KCNQ4: variants seen among roughly 807,000 people sequenced by gnomAD.
The protein encoded by KCNQ4 is potassium voltage-gated channel subfamily Q member 4.
KCNQ4 carries 31 observed loss-of-function variants against 72.6 expected under a neutral mutation model. That is an observed-to-expected ratio of 0.43 (90% confidence interval 0.32 to 0.58). The LOEUF (loss-of-function observed/expected upper bound fraction) is 0.58. KCNQ4 is among the 20% of genes least tolerant of loss of function. The probability of loss-of-function intolerance (pLI) is 0.08; values close to 1 mark genes in which losing one functional copy is unlikely to be tolerated. For missense variants in KCNQ4, 869 were observed against 962.6 expected, an observed-to-expected ratio of 0.90 and a Z score of 1.29; for synonymous variants, 405 against 403.7, an observed-to-expected ratio of 1.00 and a Z score of -0.04.
At chr1:40,830,564 GGTGT>G (rs1324672888) in intron 9 of KCNQ4, among the ~76,000 whole-genome samples, 1 of 151,944 alleles carries the variant, frequency 6.6e-6, no homozygotes, top group Non-Finnish European at 1.5e-5. Flanking sequence ...GTGTGCACAA[GGTGT>G]GTGTGTGCAT....
chr1:40,798,340 C>T (rs4660461), intron 1 of KCNQ4, among the ~76,000 whole-genome samples: 60,845 of 152,018 alleles, frequency 0.4, 12,401 homozygotes, highest in African/African-American at 0.45. Flanking sequence ...CTTGGGCAGA[C>T]GTTTTTCACA....
chr1:40,819,550 C>A, intron 5 of KCNQ4, 78 bp downstream of exon 5: 1 of 1,583,776 alleles, frequency 6.3e-7, no homozygotes, highest in Non-Finnish European at 8.6e-7. Flanking sequence ...CCCATCGTGA[C>A]TCCTGACTCA....
At position 40,784,761 on chromosome 1, in the gene KCNQ4, C is replaced by T. The variant is rs1194861512; in HGVS notation, c.314+354C>T. Among the ~76,000 whole-genome samples, 1 of 152,226 alleles carries T rather than the reference C, an allele frequency of 6.6e-6. No homozygotes were observed. Among genetic ancestry groups the T allele is most frequent in the Non-Finnish European group, 1.5e-5 (1 of 68,030 alleles). On this transcript the variant is annotated intron_variant, in intron 1 of 13. Coordinates refer to ENST00000347132, the MANE Select transcript of KCNQ4 (RefSeq NM_004700.4). The surrounding 1 kb of genome is among the most constrained non-coding windows in gnomAD (Gnocchi z 4.1). Reference sequence around the variant, plus strand: ...GGGCCCCTGGAGTGGGCGCCCTTTTCCTCTTCCCCACCCCTGCCTCCCTGT... The same window carrying T: ...GGGCCCCTGGAGTGGGCGCCCTTTTTCTCTTCCCCACCCCTGCCTCCCTGT...
rs578077677 is a variant in KCNQ4 at position 40,795,343 on chromosome 1, C to T, written c.314+10936C>T. 1.7e-4 allele frequency among the ~76,000 whole-genome samples: 25 copies of T among 149,958 alleles called. No homozygotes were observed. The East Asian group carries it at 3.4e-3, about 20-fold the overall frequency. The stretch of plus-strand genomic sequence containing the variant: ...GTGGTGTGATCATGGTTCACTGCAG[C>T]CTTGAACTCCTGGGCTCAAGCGATC... On this transcript the variant is annotated intron_variant, in intron 1 of 13. Transcript: ENST00000347132.
chr1:40,810,905 G>A (rs898786185), intron 1 of KCNQ4, among the ~76,000 whole-genome samples: 3 of 152,212 alleles, frequency 2.0e-5, no homozygotes, highest in African/African-American at 7.2e-5. Flanking sequence ...CAGGTCCTGC[G>A]CTTATGACTT....
At chr1:40,813,727 G>T (rs1166544835) in intron 1 of KCNQ4, among the ~76,000 whole-genome samples, 1 of 151,856 alleles carries the variant, frequency 6.6e-6, no homozygotes, top group Non-Finnish European at 1.5e-5. Context: ...TCCAAAGTGG[G>T]CTTTTCTTGT....
rs568921803 is a variant in KCNQ4 at position 40,795,934 on chromosome 1, A to T, written c.314+11527A>T. Among the ~76,000 whole-genome samples the T allele has an allele frequency of 3.9e-5, 6 of 152,320 alleles. No homozygotes were observed. In the South Asian group the frequency reaches 8.3e-4, roughly 21 times the overall value. On this transcript the variant is annotated intron_variant, in intron 1 of 13. Coordinates refer to ENST00000347132, the MANE Select transcript of KCNQ4 (RefSeq NM_004700.4). Reference sequence around the variant, plus strand: ...AATATTTTTCACACTGCTTCATTTAATCCTTCCAAGAGCCCTATGAGGTAG... The same window carrying T: ...AATATTTTTCACACTGCTTCATTTATTCCTTCCAAGAGCCCTATGAGGTAG...
chr1:40,827,663 G>A (rs2148327174), intron 9 of KCNQ4, among the ~76,000 whole-genome samples: 1 of 152,316 alleles, frequency 6.6e-6, no homozygotes, highest in East Asian at 1.9e-4. Context: ...AGGGCTCCTG[G>A]CTGCCCATGT....
At chr1:40,800,706 G>A (rs187202697) in intron 1 of KCNQ4, among the ~76,000 whole-genome samples, 1 of 152,230 alleles carries the variant, frequency 6.6e-6, no homozygotes, top group Non-Finnish European at 1.5e-5. Flanking sequence ...GGCCAGCCTG[G>A]GGGTTGTGGA....
intron 1 of KCNQ4, among the ~76,000 whole-genome samples, chr1:40,801,597 G>A (rs1039044329): frequency 1.3e-5 from 2 of 152,200 alleles, no homozygotes; most frequent in African/African-American, 2.4e-5. Context: ...TTACATTGAG[G>A]GGGGCGGGAG....
intron 1 of KCNQ4, among the ~76,000 whole-genome samples, chr1:40,806,282 C>T (rs1372000860): frequency 6.6e-6 from 1 of 152,226 alleles, no homozygotes; most frequent in Non-Finnish European, 1.5e-5. Flanking sequence ...AAATTCCACC[C>T]CATGTTTCCC....
At chr1:40,830,310 C>T (rs1017907428) in intron 9 of KCNQ4, among the ~76,000 whole-genome samples, 1 of 152,234 alleles carries the variant, frequency 6.6e-6, no homozygotes, top group East Asian at 1.9e-4. Context: ...ACCATGGGGC[C>T]GAGGCCCTCA....
At position 40,794,416 on chromosome 1, in the gene KCNQ4, T is replaced by C. The variant is rs1192766337; in HGVS notation, c.314+10009T>C. ...ACCCGCTAGGTAGCAGGCACTATTATTGTTCCCATTTTGCAGACAAGAAAC... is the reference window on the plus strand; with the variant it reads ...ACCCGCTAGGTAGCAGGCACTATTACTGTTCCCATTTTGCAGACAAGAAAC... On this transcript the variant is annotated intron_variant, in intron 1 of 13. Coordinates refer to ENST00000347132, the MANE Select transcript of KCNQ4 (RefSeq NM_004700.4). This position sits in a 1 kb window ranked among gnomAD's most constrained non-coding sequence, Gnocchi z 4.2. Among the ~76,000 whole-genome samples the C allele has an allele frequency of 6.6e-6, 1 of 152,190 alleles. No individual in the cohort carries two copies. The highest frequency in any genetic ancestry group is 1.5e-5 in the Non-Finnish European group (1 of 68,036).
At chr1:40,801,576 A>G (rs908256390) in intron 1 of KCNQ4, among the ~76,000 whole-genome samples, 1 of 152,238 alleles carries the variant, frequency 6.6e-6, no homozygotes, top group Non-Finnish European at 1.5e-5. Context: ...AAGTACCTGC[A>G]TTCATGGAGC....
intron 1 of KCNQ4, among the ~76,000 whole-genome samples, chr1:40,802,702 C>T (rs971269057): frequency 6.6e-6 from 1 of 152,184 alleles, no homozygotes; most frequent in African/African-American, 2.4e-5. Flanking sequence ...CCCGCAGGAA[C>T]CCGTACCTCT....
At chr1:40,792,377 C>T (rs747690761) in intron 1 of KCNQ4, among the ~76,000 whole-genome samples, 6 of 152,180 alleles carry the variant, frequency 3.9e-5, no homozygotes, top group African/African-American at 1.2e-4. Context: ...GAGGCAGGAC[C>T]AGCAGGAAGG....
intron 4 of KCNQ4, 33 bp from the exon 5 acceptor site, chr1:40,819,314 G>A (rs760425065): frequency 1.2e-6 from 2 of 1,612,948 alleles, no homozygotes; most frequent in Non-Finnish European, 1.7e-6. Flanking sequence ...CAGGCACAGC[G>A]CTCCTCACCG....
chr1:40,830,340 A>G (rs1327886), intron 9 of KCNQ4, among the ~76,000 whole-genome samples: 108,125 of 152,078 alleles, frequency 0.71, 39,172 homozygotes, highest in Admixed American at 0.77. Context: ...CACGCTGCAC[A>G]CCTCCAGGGC....
At chr1:40,824,353 T>G (rs948620709) in intron 9 of KCNQ4, 95 bp downstream of exon 9, 33 of 1,368,960 alleles carry the variant, frequency 2.4e-5, no homozygotes, top group Non-Finnish European at 3.2e-5. Context: ...TTCAGCCACT[T>G]CGTGGGTGTC....
Sources: gnomAD v4.1 joint callset for allele counts (sites outside exome capture counted in the v4.1 genomes callset) on GRCh38, gnomAD v4.1.1 for gene constraint, Gnocchi (gnomAD v3.1) non-coding constraint, MANE v1.5 for transcripts, NCBI Gene and HGNC (gene_info 2026-07-23, HGNC 2026-07-21) for gene names.